KIFC3: variants seen among roughly 807,000 people sequenced by gnomAD.
KIFC3 encodes the protein kinesin family member C3.
In KIFC3, 60 loss-of-function variants were observed where a neutral mutation model predicts 101.8. The observed-to-expected ratio is 0.59, with a 90% CI of 0.48 to 0.73. KIFC3 has a LOEUF of 0.73. KIFC3 is among the 30% of genes least tolerant of loss of function. The probability of loss-of-function intolerance (pLI) is 0.00; values close to 1 mark genes in which losing one functional copy is unlikely to be tolerated. For synonymous variants in KIFC3, 476 were observed against 482.7 expected, an observed-to-expected ratio of 0.99 and a Z score of 0.18; for missense variants, 966 against 1,137.1, an observed-to-expected ratio of 0.85 and a Z score of 2.16.
intron 3 of KIFC3, among the ~76,000 whole-genome samples, chr16:57,782,788 T>A (rs1442400347): frequency 6.6e-6 from 1 of 152,140 alleles, no homozygotes; most frequent in Non-Finnish European, 1.5e-5. Flanking sequence ...TACTGAAAAA[T>A]ACAAACAATT....
chr16:57,800,233 G>A (rs1195816779), intron 1 of KIFC3, among the ~76,000 whole-genome samples: 1 of 152,228 alleles, frequency 6.6e-6, no homozygotes, highest in African/African-American at 2.4e-5. Flanking sequence ...AGGAAGCCAT[G>A]GTCTCTTCCT....
intron 13 of KIFC3, 69 bp from the exon 14 acceptor site, chr16:57,761,605 C>G (rs2049864049): frequency 3.8e-6 from 6 of 1,559,408 alleles, no homozygotes; most frequent in Non-Finnish European, 5.2e-6. Flanking sequence ...GCACCCAGCC[C>G]CCCAGCCAGG....
At chr16:57,766,497 C>T (rs2050503134) in intron 10 of KIFC3, among the ~76,000 whole-genome samples, 1 of 152,214 alleles carries the variant, frequency 6.6e-6, no homozygotes, top group African/African-American at 2.4e-5. Context: ...AGAGCAGGCA[C>T]TCTAGAGCTC....
intron 1 of KIFC3, among the ~76,000 whole-genome samples, chr16:57,810,319 C>A (rs60522727): frequency 9.6e-4 from 146 of 152,322 alleles, no homozygotes; most frequent in African/African-American, 3.4e-3. Context: ...GCTGCTGCTG[C>A]CTTTAAACTG....
At chr16:57,783,792 C>T (rs1444064460) in intron 3 of KIFC3, among the ~76,000 whole-genome samples, 2 of 152,136 alleles carry the variant, frequency 1.3e-5, no homozygotes, top group Non-Finnish European at 2.9e-5. Flanking sequence ...CTTTAAAAAA[C>T]ACTTATTTGC....
intron 4 of KIFC3, 44 bp from the exon 5 acceptor site, chr16:57,771,730 A>T (rs1328033558): frequency 1.3e-6 from 2 of 1,580,566 alleles, no homozygotes; most frequent in Non-Finnish European, 1.7e-6. Flanking sequence ...GCGAGGGCAG[A>T]TGACGGGGGA....
At chr16:57,764,085 G>A in intron 12 of KIFC3, 58 bp downstream of exon 12, 1 of 1,226,766 alleles carries the variant, frequency 8.2e-7, no homozygotes, top group South Asian at 1.2e-5. Context: ...ACCAATGAGG[G>A]AGCCCGCATT....
At chr16:57,778,590 C>A (rs941572742) in intron 3 of KIFC3, among the ~76,000 whole-genome samples, 2 of 152,078 alleles carry the variant, frequency 1.3e-5, no homozygotes, top group Non-Finnish European at 2.9e-5. Flanking sequence ...CAACAACAAA[C>A]CCAATTTAAG....
intron 1 of KIFC3, among the ~76,000 whole-genome samples, chr16:57,826,677 T>C (rs568288577): frequency 1.3e-5 from 2 of 152,280 alleles, no homozygotes; most frequent in South Asian, 4.2e-4. Flanking sequence ...AGAGAACAGG[T>C]GCAGGAAAAT....
intron 1 of KIFC3, among the ~76,000 whole-genome samples, chr16:57,800,841 G>A (rs2054677069): frequency 6.6e-6 from 1 of 152,194 alleles, no homozygotes; most frequent in Non-Finnish European, 1.5e-5. Context: ...ATTTACATGG[G>A]CATCTGAGAT....
At chr16:57,808,051 C>G (rs1260517254), upstream of KIFC3, 1 of 150,596 alleles carries the variant, frequency 6.6e-6, no homozygotes, top group Non-Finnish European at 1.5e-5. Context: ...AAAGACTGAA[C>G]TCGACAGTTC....
chr16:57,860,479 A>C (rs2056281349), intron 1 of KIFC3, among the ~76,000 whole-genome samples: 1 of 152,118 alleles, frequency 6.6e-6, no homozygotes, highest in African/African-American at 2.4e-5. Flanking sequence ...AAGAAAATCA[A>C]ACTGGACATC....
At position 57,769,874 on chromosome 16, in the gene KIFC3, G is replaced by T. The variant is rs201705421; in HGVS notation, c.1021C>A (p.Arg341=). 3 of 1,613,862 alleles carry T rather than the reference G, an allele frequency of 1.9e-6. No individual in the cohort carries two copies. The highest frequency in any genetic ancestry group is 1.6e-4 in the Middle Eastern group (1 of 6,062). Residue 341 remains arginine, a synonymous_variant, in exon 8 of 20, where the codon CGG becomes AGG. Coordinates refer to ENST00000445690, the MANE Select transcript of KIFC3 (RefSeq NM_001130100.2). The surrounding 1 kb of genome is among the most constrained non-coding windows in gnomAD (Gnocchi z 4.3). ...CTGGCAAAGGCCTCCTCAATGGCCC[G>T]GTTCTTGTCCTCTTCCAGGGACTGC... is the stretch of plus-strand genomic sequence containing the variant. ...EMQSLEEDKN[R]AIEEAFARAQ...
intron 3 of KIFC3, among the ~76,000 whole-genome samples, chr16:57,788,963 A>G (rs2053608937): frequency 1.3e-5 from 2 of 152,160 alleles, no homozygotes; most frequent in African/African-American, 4.8e-5. Context: ...ACCAGCAAAG[A>G]AGGTTCTTAG....
intron 3 of KIFC3, among the ~76,000 whole-genome samples, chr16:57,787,053 A>G (rs148367807): frequency 0.012 from 1,767 of 152,354 alleles, 50 homozygotes; most frequent in African/African-American, 0.04. Context: ...TGTATGTCAC[A>G]CAGAGCTGGC....
chr16:57,769,917 C>T lies in KIFC3; in HGVS notation c.978G>A (p.Gly326=), dbSNP rs148904495. 1 of 1,613,672 alleles carries T rather than the reference C, an allele frequency of 6.2e-7. No individual in the cohort carries two copies. The highest frequency in any genetic ancestry group is 1.3e-5 in the African/African-American group (1 of 74,948). The stretch of plus-strand genomic sequence containing the variant: ...GGGACTGCATCTCCTCCAGCATCTG[C>T]CCATGGGCCCGCTCCAGCTCTGACT... The part of the protein sequence containing the change: ...MYESELERAH[G]QMLEEMQSLE... The change falls in exon 8 of 20, where the codon GGG becomes GGA. Residue 326 remains glycine, a synonymous_variant. Transcript: ENST00000445690. This position sits in a 1 kb window ranked among gnomAD's most constrained non-coding sequence, Gnocchi z 4.3.
At chr16:57,808,025 T>C (rs2149253378), upstream of KIFC3, 1 of 151,168 alleles carries the variant, frequency 6.6e-6, no homozygotes, top group Admixed American at 6.6e-5. Context: ...GGTGGCTGCC[T>C]TTCTGCATTG....
intron 1 of KIFC3, among the ~76,000 whole-genome samples, chr16:57,839,176 G>C (rs1048849341): frequency 1.3e-5 from 2 of 152,140 alleles, no homozygotes; most frequent in Non-Finnish European, 2.9e-5. Flanking sequence ...CTGAGTGACA[G>C]AGGGAGACCC....
At chr16:57,847,486 T>C (rs1417172998) in intron 1 of KIFC3, among the ~76,000 whole-genome samples, 1 of 151,930 alleles carries the variant, frequency 6.6e-6, no homozygotes, top group Non-Finnish European at 1.5e-5. Context: ...TCACAGAGAA[T>C]TTATTGGTGT....
Sources: gnomAD v4.1 joint callset for allele counts (sites outside exome capture counted in the v4.1 genomes callset) on GRCh38, gnomAD v4.1.1 for gene constraint, Gnocchi (gnomAD v3.1) non-coding constraint, MANE v1.5 for transcripts, NCBI Gene and HGNC (gene_info 2026-07-23, HGNC 2026-07-21) for gene names.